Variants in NIPSNAP2 observed in about 807,000 individuals in gnomAD.
NIPSNAP2 encodes the protein protein NipSnap homolog 2.
Under a neutral mutation model 48.4 loss-of-function variants are expected in NIPSNAP2, and 42 were observed. That is an observed-to-expected ratio of 0.87 (90% CI 0.68 to 1.12). The LOEUF (loss-of-function observed/expected upper bound fraction) is 1.12, where lower values mean the gene tolerates loss of function less well. Among genes scored for constraint, NIPSNAP2 ranks in the 50% most tolerant of loss-of-function variants. The pLI is 0.00. For synonymous variants in NIPSNAP2, 158 were observed against 126.6 expected (o/e 1.25, Z -1.67); for missense variants, 314 against 347.3 (o/e 0.90, Z 0.76).
chr7:55,995,021 T>C (rs760471806), intron 8 of NIPSNAP2, 33 bp downstream of exon 8: 1 of 1,555,290 alleles, frequency 6.4e-7, no homozygotes, highest in South Asian at 1.1e-5. Context: ...GTTACTGGGA[T>C]TTAAGAGTTC....
At chr7:55,990,227 T>G (rs1388004597) in intron 7 of NIPSNAP2, among the ~76,000 whole-genome samples, 1 of 147,778 alleles carries the variant, frequency 6.8e-6, no homozygotes, top group Admixed American at 6.7e-5. Flanking sequence ...TTTTTGTTTC[T>G]TTTCTTTTTT....
At chr7:55,998,057 C>T (rs1178744600) in intron 9 of NIPSNAP2, among the ~76,000 whole-genome samples, 2 of 152,084 alleles carry the variant, frequency 1.3e-5, no homozygotes, top group Non-Finnish European at 2.9e-5. Context: ...CAGTGGCTCA[C>T]GCCTGTAATC....
chr7:55,995,724 C>T (rs549153074), intron 8 of NIPSNAP2, among the ~76,000 whole-genome samples: 1 of 152,266 alleles, frequency 6.6e-6, no homozygotes, highest in Non-Finnish European at 1.5e-5. Context: ...TGTAGCTGCC[C>T]GGAGAGGGCC....
At chr7:55,990,961 T>C (rs1034063007) in intron 7 of NIPSNAP2, among the ~76,000 whole-genome samples, 3 of 152,052 alleles carry the variant, frequency 2.0e-5, no homozygotes, top group African/African-American at 7.2e-5. Flanking sequence ...CTAATATGTT[T>C]TGTATTTTTA....
In NIPSNAP2 at chr7:55,978,202, A is replaced by G; in HGVS notation, c.169A>G (p.Arg57Gly). ...KSLFVRKVDP[R>G]KDAHSNLLAK... The stretch of plus-strand genomic sequence containing the variant: ...CTTATTTGTCCGGAAAGTTGATCCA[A>G]GAAAAGATGCCCACTCCAATCTCCT... The change falls in exon 2 of 10, where the codon AGA (arginine) becomes GGA (glycine). Residue 57 changes from arginine to glycine, a missense_variant. By Grantham distance (125) the Arg-to-Gly change is moderately radical (BLOSUM62 -2). Around this residue, in one of 2 missense-constraint regions of NIPSNAP2, gnomAD observed 198 missense variants for 185.5 expected, o/e 1.07. Coordinates refer to ENST00000322090, the MANE Select transcript of NIPSNAP2 (RefSeq NM_001483.3). 6.2e-7 allele frequency: 1 copy of G among 1,614,220 alleles called. No homozygotes were observed. The highest frequency in any genetic ancestry group is 8.5e-7 in the Non-Finnish European group (1 of 1,180,046).
intron 3 of NIPSNAP2, chr7:55,979,485 G>T: frequency 4.0e-6 from 1 of 248,888 alleles, no homozygotes; most frequent in Admixed American, 4.8e-5. Context: ...TACTCAGCCC[G>T]TTCCTTAGTT....
In NIPSNAP2 at chr7:55,964,653, G is replaced by C. The variant is rs1397718179; in HGVS notation, c.44G>C (p.Gly15Ala). 1.8e-6 allele frequency: 2 copies of C among 1,101,658 alleles called. No individual in the cohort carries two copies. The highest frequency in any genetic ancestry group is 2.2e-6 in the Non-Finnish European group (2 of 905,504). The allele number at this position is 1,101,658 out of a possible 1,614,324, so 68.2% of individuals were successfully genotyped here. Residue 15 changes from glycine (G) to alanine (A), a missense_variant, in exon 1 of 10, where the codon GGC becomes GCC. This residue lies in a region of NIPSNAP2 where 198 missense variants were observed against 185.5 expected (regional missense o/e 1.07). Transcript: ENST00000322090. ...VLRARGAAWA[G>A]GLLQRAAPCS... ...CGCGCCCGCGGAGCGGCCTGGGCCG[G>C]CGGCCTCCTGCAGCGGGCGGCCCCC...
At position 55,982,251 on chromosome 7, in the gene NIPSNAP2, G is replaced by C. The variant is rs755633094; in HGVS notation, c.415G>C (p.Glu139Gln). The C allele has an allele frequency of 2.4e-5, 38 of 1,608,726 alleles. No individual in the cohort carries two copies. The highest frequency in any genetic ancestry group is 3.1e-5 in the Non-Finnish European group (37 of 1,175,594). ...RYEGGYPALT[E>Q]VMNKLRENKE... is the part of the protein sequence containing the mutation. ...TGAAGGAGGCTATCCAGCCCTCACAGAAGTCATGAATAAACTCAGAGAAAA... is the reference window on the plus strand; with the variant it reads ...TGAAGGAGGCTATCCAGCCCTCACACAAGTCATGAATAAACTCAGAGAAAA... Residue 139 changes from glutamate (E) to glutamine (Q), a missense_variant, in exon 5 of 10, where the codon GAA becomes CAA. Physicochemically the swap from Glu to Gln is conservative, Grantham distance 29. This residue lies in a region of NIPSNAP2 where 198 missense variants were observed against 185.5 expected (regional missense o/e 1.07). Transcript: ENST00000322090.
chr7:55,969,139 G>A (rs1336168321), intron 1 of NIPSNAP2, among the ~76,000 whole-genome samples: 27 of 152,254 alleles, frequency 1.8e-4, no homozygotes, highest in East Asian at 1.9e-4. Context: ...TAGATGCAGG[G>A]CAGAAAAGTC....
At chr7:55,994,154 C>T (rs904825734) in intron 7 of NIPSNAP2, among the ~76,000 whole-genome samples, 1 of 152,120 alleles carries the variant, frequency 6.6e-6, no homozygotes, top group Non-Finnish European at 1.5e-5. Flanking sequence ...TCCCTGTCTC[C>T]CTTGGGTACA....
At chr7:55,990,370 A>G (rs1350261355) in intron 7 of NIPSNAP2, among the ~76,000 whole-genome samples, 1 of 151,712 alleles carries the variant, frequency 6.6e-6, no homozygotes, top group Non-Finnish European at 1.5e-5. Context: ...CTGGGACTAC[A>G]GGCACCAGCC....
chr7:55,996,852 A>AC (rs1464226319), intron 8 of NIPSNAP2, among the ~76,000 whole-genome samples: 2 of 152,000 alleles, frequency 1.3e-5, no homozygotes, highest in Non-Finnish European at 2.9e-5. Context: ...ACATAGTGAG[A>AC]CCCCATCTCA....
chr7:55,968,384 CTT>C (rs558409351), intron 1 of NIPSNAP2, among the ~76,000 whole-genome samples: 14 of 139,890 alleles, frequency 1.0e-4, no homozygotes, highest in Non-Finnish European at 1.4e-4. Flanking sequence ...ACTCTACTTT[CTT>C]TTTTTTTTTT....
chr7:55,978,433 A>G (rs1423715213), intron 3 of NIPSNAP2, 38 bp downstream of exon 3: 1 of 1,550,942 alleles, frequency 6.4e-7, no homozygotes, highest in African/African-American at 1.4e-5. Context: ...GGGGAAAAAT[A>G]ATGACTTTAT....
At chr7:55,972,840 C>G (rs953931097) in intron 1 of NIPSNAP2, among the ~76,000 whole-genome samples, 4 of 152,072 alleles carry the variant, frequency 2.6e-5, no homozygotes, top group African/African-American at 9.7e-5. Flanking sequence ...TGGTGGTTCA[C>G]GCCTATAATC....
At chr7:55,993,275 G>T (rs948861444) in intron 7 of NIPSNAP2, among the ~76,000 whole-genome samples, 1 of 151,656 alleles carries the variant, frequency 6.6e-6, no homozygotes. Flanking sequence ...CTCCTGAGTG[G>T]CAGAGTAAGA....
chr7:55,970,087 T>C (rs895112383), intron 1 of NIPSNAP2, among the ~76,000 whole-genome samples: 11 of 151,984 alleles, frequency 7.2e-5, no homozygotes, highest in East Asian at 1.9e-4. Context: ...CAGTTTCCTC[T>C]TCCCCGCCTG....
intron 5 of NIPSNAP2, 80 bp from the exon 6 acceptor site, chr7:55,983,648 T>C (rs1171360291): frequency 2.1e-5 from 30 of 1,443,804 alleles, no homozygotes; most frequent in Admixed American, 5.3e-5. Context: ...TATAGTATTC[T>C]GTAGGAACAT....
chr7:55,980,030 G>A (rs1312501352), intron 3 of NIPSNAP2: 1 of 336,982 alleles, frequency 3.0e-6, no homozygotes, highest in African/African-American at 2.1e-5. Flanking sequence ...ATGTGTACTG[G>A]GCTTCCTCCT....
Sources: gnomAD v4.1 joint callset for allele counts (sites outside exome capture counted in the v4.1 genomes callset) on GRCh38, gnomAD v4.1.1 for gene constraint, gnomAD v4.1.1 regional missense constraint, MANE v1.5 for transcripts, NCBI Gene and HGNC (gene_info 2026-07-23, HGNC 2026-07-21) for gene names.